MSMB: variants seen among roughly 807,000 people sequenced by gnomAD.
MSMB encodes beta-microseminoprotein.
In MSMB, 10 loss-of-function variants were observed where a neutral mutation model predicts 10.5. The ratio of observed to expected loss-of-function variants is 0.95; its 90% CI spans 0.59 to 1.62. The LOEUF is 1.62. MSMB is among the 40% of genes most tolerant of loss of function. MSMB has a pLI of 0.00. For synonymous variants in MSMB, 43 were observed against 46.5 expected, an observed-to-expected ratio of 0.93 and a Z score of 0.30; for missense variants, 126 against 137.4, an observed-to-expected ratio of 0.92 and a Z score of 0.42.
At chr10:46,041,861 G>A (rs1554928673) in intron 1 of MSMB, among the ~76,000 whole-genome samples, 2 of 150,592 alleles carry the variant, frequency 1.3e-5, no homozygotes, top group Admixed American at 6.6e-5. Context: ...TAGTTGGATA[G>A]GGTAAAAAAG....
intron 1 of MSMB, among the ~76,000 whole-genome samples, chr10:46,040,750 C>T (rs909662230): frequency 6.6e-5 from 10 of 151,870 alleles, no homozygotes; most frequent in Non-Finnish European, 1.5e-4. Context: ...GTCAGGAGAT[C>T]GAGACCATCC....
At chr10:46,042,825 G>C (rs569096566) in intron 1 of MSMB, among the ~76,000 whole-genome samples, 1 of 152,190 alleles carries the variant, frequency 6.6e-6, no homozygotes, top group African/African-American at 2.4e-5. Context: ...CACACTGAGG[G>C]TTTTGTACCA....
At chr10:46,042,838 T>C (rs1417545978) in intron 1 of MSMB, among the ~76,000 whole-genome samples, 1 of 152,194 alleles carries the variant, frequency 6.6e-6, no homozygotes, top group East Asian at 1.9e-4. Flanking sequence ...TTGTACCAAA[T>C]AACAAGTCAT....
intron 2 of MSMB, 140 bp from the exon 3 acceptor site, chr10:46,039,211 G>A (rs1840687087): frequency 1.4e-6 from 1 of 717,068 alleles, no homozygotes; most frequent in Non-Finnish European, 2.4e-6. Context: ...TCTAAGAATG[G>A]TGCTCCTGTA....
chr10:46,039,606 G>T (rs1554928127), intron 2 of MSMB, among the ~76,000 whole-genome samples: 2 of 152,190 alleles, frequency 1.3e-5, no homozygotes, highest in African/African-American at 4.8e-5. Flanking sequence ...GTGAGGCCAG[G>T]CACAGTGGCT....
chr10:46,043,952 G>C (rs1840816198), intron 1 of MSMB, among the ~76,000 whole-genome samples: 1 of 152,054 alleles, frequency 6.6e-6, no homozygotes, highest in Non-Finnish European at 1.5e-5. Flanking sequence ...TGGGATTATG[G>C]GCGTGAGCCA....
chr10:46,040,985 G>T (rs922348452), intron 1 of MSMB, among the ~76,000 whole-genome samples: 1 of 151,528 alleles, frequency 6.6e-6, no homozygotes, highest in South Asian at 2.1e-4. Flanking sequence ...TCTCTGGTCA[G>T]CTCTGCAGAA....
intron 1 of MSMB, among the ~76,000 whole-genome samples, chr10:46,044,010 A>G (rs1439060967): frequency 6.6e-6 from 1 of 152,072 alleles, no homozygotes; most frequent in African/African-American, 2.4e-5. Context: ...ATTCTGCTTC[A>G]GTAGGTCTTT....
intron 3 of MSMB, among the ~76,000 whole-genome samples, chr10:46,035,390 C>A (rs955207843): frequency 6.6e-6 from 1 of 152,208 alleles, no homozygotes; most frequent in Admixed American, 6.5e-5. Flanking sequence ...CTTTATCCAA[C>A]AGGCAGAAGC....
intron 1 of MSMB, among the ~76,000 whole-genome samples, 174 bp downstream of exon 1, chr10:46,046,061 G>A (rs1368011524): frequency 3.3e-5 from 5 of 152,138 alleles, no homozygotes; most frequent in South Asian, 2.1e-4. Flanking sequence ...TACAATTTTC[G>A]CAAGCTCTCA....
At chr10:46,038,643 A>C (rs1374277814) in intron 3 of MSMB, among the ~76,000 whole-genome samples, 3 of 152,076 alleles carry the variant, frequency 2.0e-5, no homozygotes, top group Admixed American at 2.0e-4. Context: ...CAATACCACA[A>C]CACCAAGAGG....
intron 1 of MSMB, among the ~76,000 whole-genome samples, chr10:46,045,064 C>A (rs1247463804): frequency 7.9e-5 from 12 of 152,140 alleles, no homozygotes; most frequent in Admixed American, 5.2e-4. Context: ...CTCCTGAGGA[C>A]CCTCTCCCAC....
intron 1 of MSMB, among the ~76,000 whole-genome samples, chr10:46,043,410 T>C (rs1840796457): frequency 6.8e-6 from 1 of 147,894 alleles, no homozygotes; most frequent in African/African-American, 2.6e-5. Flanking sequence ...TCTCTCTCTC[T>C]CCCTCCCTCC....
chr10:46,041,624 T>C (rs576918437), intron 1 of MSMB, among the ~76,000 whole-genome samples: 6 of 152,046 alleles, frequency 3.9e-5, no homozygotes, highest in African/African-American at 9.6e-5. Context: ...TGAAAACCCA[T>C]CTCTACAAAA....
chr10:46,041,962 A>G (rs1272499195), intron 1 of MSMB, among the ~76,000 whole-genome samples: 3 of 152,192 alleles, frequency 2.0e-5, no homozygotes, highest in Non-Finnish European at 4.4e-5. Flanking sequence ...CGATTATTCA[A>G]TAAATGCTAT....
At chr10:46,044,815 A>C (rs1840854698) in intron 1 of MSMB, among the ~76,000 whole-genome samples, 1 of 151,690 alleles carries the variant, frequency 6.6e-6, no homozygotes, top group South Asian at 2.1e-4. Flanking sequence ...AAAATAAATA[A>C]ATAAATAAAT....
At chr10:46,039,156 C>A in intron 2 of MSMB, 85 bp from the exon 3 acceptor site, 1 of 1,123,076 alleles carries the variant, frequency 8.9e-7, no homozygotes, top group Non-Finnish European at 1.3e-6. Context: ...CCCCTACTAT[C>A]TACACCCCTC....
At chr10:46,040,834 G>A (rs1840727890) in intron 1 of MSMB, among the ~76,000 whole-genome samples, 1 of 152,058 alleles carries the variant, frequency 6.6e-6, no homozygotes. Context: ...GGTGCCTGTA[G>A]TCCCAGCTAC....
In MSMB at chr10:46,046,166, G is replaced by A. The variant is rs185615194; in HGVS notation, c.3+69C>T. On this transcript the variant is annotated intron_variant, in intron 1 of 3. Coordinates refer to ENST00000582163, the MANE Select transcript of MSMB (RefSeq NM_002443.4). Reference sequence around the variant, plus strand: ...TCAATGCTATGTGGTAGAAGCACACGCATATTAAAATAGGAATACATATTC... The same window carrying A: ...TCAATGCTATGTGGTAGAAGCACACACATATTAAAATAGGAATACATATTC... 260 of 1,459,272 alleles carry A rather than the reference G, an allele frequency of 1.8e-4. 5 individuals carry two copies. The East Asian group carries it at 2.7e-3, about 15-fold the overall frequency. 90.4% of individuals were successfully genotyped at this position (1,459,272 alleles called of 1,614,324 possible).
Sources: allele counts gnomAD v4.1 joint callset (sites outside exome capture counted in the v4.1 genomes callset), GRCh38; gene constraint gnomAD v4.1.1; transcripts MANE v1.5; gene names NCBI Gene and HGNC (gene_info 2026-07-23, HGNC 2026-07-21).